SUCLG2: variants seen among roughly 807,000 people sequenced by gnomAD.
The protein encoded by SUCLG2 is succinate-CoA ligase GDP-forming subunit beta, also known as succinate--CoA ligase [GDP-forming] subunit beta, mitochondrial.
A neutral mutation model predicts 47.9 loss-of-function variants in SUCLG2; 42 were observed. The ratio of observed to expected loss-of-function variants is 0.88; its 90% CI spans 0.69 to 1.14. SUCLG2 has a LOEUF of 1.14. Among genes scored for constraint, SUCLG2 ranks in the 50% most tolerant of loss-of-function variants. The pLI, the probability that SUCLG2 is intolerant of heterozygous loss-of-function variation, is 0.00. For missense variants in SUCLG2, 571 were observed against 525.9 expected (o/e 1.09, Z -0.84); for synonymous variants, 195 against 197.3 (o/e 0.99, Z 0.10).
chr3:67,509,786 T>C (rs187782629), intron 6 of SUCLG2, among the ~76,000 whole-genome samples: 1 of 152,208 alleles, frequency 6.6e-6, no homozygotes, highest in Non-Finnish European at 1.5e-5. Flanking sequence ...GTTTTCCCAC[T>C]GCCACATTTC....
chr3:67,416,584 C>G (rs1376894850), intron 9 of SUCLG2, among the ~76,000 whole-genome samples: 2 of 152,202 alleles, frequency 1.3e-5, no homozygotes, highest in East Asian at 3.9e-4. Context: ...GTAAGTTGGG[C>G]TGATTTCTAT....
chr3:67,421,056 C>T (rs189140838), intron 9 of SUCLG2, among the ~76,000 whole-genome samples: 9 of 152,282 alleles, frequency 5.9e-5, no homozygotes, highest in Admixed American at 2.0e-4. Flanking sequence ...TTCATCCTCA[C>T]AAGAAGTTCA....
intron 2 of SUCLG2, among the ~76,000 whole-genome samples, chr3:67,598,484 G>T (rs2076900): frequency 0.024 from 3,720 of 152,266 alleles, 133 homozygotes; most frequent in African/African-American, 0.079. Flanking sequence ...CAATAGGGAT[G>T]ATCACCTACA....
At chr3:67,446,417 A>ATTTTTTTT (rs750956324) in intron 9 of SUCLG2, among the ~76,000 whole-genome samples, 2 of 32,188 alleles carry the variant, frequency 6.2e-5, no homozygotes, top group Non-Finnish European at 1.1e-4. Flanking sequence ...ACATATGTAC[A>ATTTTTTTT]TTTTTTTTTT....
chr3:67,442,964 T>C (rs1032412045), intron 9 of SUCLG2, among the ~76,000 whole-genome samples: 3 of 152,156 alleles, frequency 2.0e-5, no homozygotes, highest in African/African-American at 7.2e-5. Context: ...TCTACATCCA[T>C]GGATTCAACT....
intron 9 of SUCLG2, chr3:67,408,975 A>T: frequency 6.5e-7 from 1 of 1,535,270 alleles, no homozygotes; most frequent in Non-Finnish European, 8.7e-7. Context: ...AAGCTTCAAG[A>T]ACGTGCTTCT....
chr3:67,559,071 A>C (rs1707237898), intron 2 of SUCLG2, among the ~76,000 whole-genome samples: 1 of 152,226 alleles, frequency 6.6e-6, no homozygotes, highest in Non-Finnish European at 1.5e-5. Flanking sequence ...ACAATGTATT[A>C]ATAGATTTAC....
intron 1 of SUCLG2, among the ~76,000 whole-genome samples, chr3:67,620,875 T>C (rs947577222): frequency 6.6e-6 from 1 of 152,156 alleles, no homozygotes; most frequent in Non-Finnish European, 1.5e-5. Context: ...ATAATGCAGG[T>C]GCTGGTAAGG....
intron 2 of SUCLG2, among the ~76,000 whole-genome samples, chr3:67,537,043 G>A (rs1706563083): frequency 1.3e-5 from 2 of 152,146 alleles, no homozygotes; most frequent in South Asian, 4.2e-4. Context: ...CAATAATTAA[G>A]TATACTTTTT....
At position 67,394,452 on chromosome 3, in the gene SUCLG2, C is replaced by T. The variant is rs1042284408; in HGVS notation, c.1183+6279G>A. 6.1e-4 allele frequency among the ~76,000 whole-genome samples: 90 copies of T among 147,166 alleles called. 1 individual carries two copies. Among genetic ancestry groups the T allele is most frequent in the African/African-American group, 8.0e-4 (32 of 39,758 alleles). On this transcript the variant is annotated intron_variant, in intron 10 of 10. Transcript: ENST00000307227. ...GGAAGATGAAATGAATGAAATGAAGCGAGAAGGGAAGTTTAGAGAAAAAAG... is the reference window on the plus strand; with the variant it reads ...GGAAGATGAAATGAATGAAATGAAGTGAGAAGGGAAGTTTAGAGAAAAAAG...
chr3:67,384,924 G>T (rs965243248), intron 10 of SUCLG2, among the ~76,000 whole-genome samples: 12 of 152,328 alleles, frequency 7.9e-5, no homozygotes, highest in African/African-American at 2.9e-4. Context: ...CATTTCTCAT[G>T]AAGTCTTTCC....
intron 1 of SUCLG2, among the ~76,000 whole-genome samples, chr3:67,610,253 C>G (rs1429446868): frequency 6.6e-6 from 1 of 152,162 alleles, no homozygotes; most frequent in Non-Finnish European, 1.5e-5. Flanking sequence ...TCTCTTTCAT[C>G]CACCAAGGTT....
intron 2 of SUCLG2, among the ~76,000 whole-genome samples, chr3:67,573,999 T>C (rs77902237): frequency 0.034 from 5,231 of 152,286 alleles, 295 homozygotes; most frequent in African/African-American, 0.12. Context: ...CCTGGGCTTG[T>C]AGTACTAAGA....
At chr3:67,399,849 T>C (rs1443040535) in intron 10 of SUCLG2, among the ~76,000 whole-genome samples, 1 of 152,166 alleles carries the variant, frequency 6.6e-6, no homozygotes, top group Non-Finnish European at 1.5e-5. Context: ...TTTAGTGTAG[T>C]ACCAAAGAAT....
intron 9 of SUCLG2, among the ~76,000 whole-genome samples, chr3:67,465,753 T>G (rs1021509585): frequency 6.6e-6 from 1 of 152,180 alleles, no homozygotes; most frequent in Non-Finnish European, 1.5e-5. Context: ...ATAAAATCCT[T>G]GCACATTTAA....
At chr3:67,401,428 G>A (rs1209658010) in intron 9 of SUCLG2, among the ~76,000 whole-genome samples, 3 of 151,906 alleles carry the variant, frequency 2.0e-5, no homozygotes. Flanking sequence ...AAAGACTCTC[G>A]AAATAAAGAG....
At chr3:67,457,258 G>A (rs144203370) in intron 9 of SUCLG2, among the ~76,000 whole-genome samples, 8 of 152,168 alleles carry the variant, frequency 5.3e-5, no homozygotes, top group South Asian at 2.1e-4. Flanking sequence ...AAATGTATCC[G>A]GAAACAGGTA....
At chr3:67,497,989 G>T in intron 8 of SUCLG2, 145 bp downstream of exon 8, 2 of 815,970 alleles carry the variant, frequency 2.5e-6, no homozygotes, top group East Asian at 2.6e-5. Context: ...ACTTTGAGAA[G>T]AAACTTGGAT....
At chr3:67,604,938 T>C (rs765659591) in intron 2 of SUCLG2, among the ~76,000 whole-genome samples, 11 of 152,228 alleles carry the variant, frequency 7.2e-5, no homozygotes, top group African/African-American at 2.7e-4. Flanking sequence ...CAAATCTTTC[T>C]AATTAAAATA....
Sources: allele counts gnomAD v4.1 joint callset (sites outside exome capture counted in the v4.1 genomes callset), GRCh38; gene constraint gnomAD v4.1.1; transcripts MANE v1.5; gene names NCBI Gene and HGNC (gene_info 2026-07-23, HGNC 2026-07-21).